NUDCD1: variants seen among roughly 807,000 people sequenced by gnomAD.
The protein encoded by NUDCD1 is nudC domain-containing protein 1.
A neutral mutation model predicts 67.8 loss-of-function variants in NUDCD1; 60 were observed. The ratio of observed to expected loss-of-function variants is 0.88; its 90% CI spans 0.72 to 1.10. The LOEUF (loss-of-function observed/expected upper bound fraction) is 1.10. NUDCD1 is among the 50% of genes least tolerant of loss of function. NUDCD1 has a pLI of 0.00. For missense variants in NUDCD1, 643 were observed against 695.0 expected (o/e 0.93, Z 0.84); for synonymous variants, 244 against 230.8 (o/e 1.06, Z -0.52).
chr8:109,281,504 A>G (rs1019018902), intron 5 of NUDCD1, among the ~76,000 whole-genome samples: 1 of 151,946 alleles, frequency 6.6e-6, no homozygotes, highest in Admixed American at 6.6e-5. Flanking sequence ...AAACACACAC[A>G]CACACAGAGT....
chr8:109,316,948 C>T (rs1815414351), intron 2 of NUDCD1, among the ~76,000 whole-genome samples: 1 of 152,046 alleles, frequency 6.6e-6, no homozygotes, highest in African/African-American at 2.4e-5. Flanking sequence ...CTTTAAGAAC[C>T]TAAAACATGG....
At chr8:109,280,819 A>G in intron 6 of NUDCD1, 149 bp downstream of exon 6, 1 of 455,352 alleles carries the variant, frequency 2.2e-6, no homozygotes, top group South Asian at 4.9e-5. Context: ...TCTTTGACAC[A>G]GTAATTCTAT....
At chr8:109,302,324 T>G (rs376275269) in intron 2 of NUDCD1, among the ~76,000 whole-genome samples, 32 of 152,278 alleles carry the variant, frequency 2.1e-4, no homozygotes, top group Admixed American at 5.2e-4. Context: ...CCAGGCATTC[T>G]TTTACACATC....
In NUDCD1 at chr8:109,245,321, C is replaced by A; in HGVS notation, c.1459+1G>T. The A allele has an allele frequency of 6.2e-7, 1 of 1,609,948 alleles. No homozygotes were observed. On this transcript the variant is annotated splice_donor_variant, in intron 9 of 9. Coordinates refer to ENST00000239690, the MANE Select transcript of NUDCD1 (RefSeq NM_032869.4). LOFTEE classifies it high-confidence loss of function. ...AAAATGTCAAAGAGTTTGCTTTATACCTAAAGCATTGAAAGTTGCGATGTG... is the reference window on the plus strand; with the variant it reads ...AAAATGTCAAAGAGTTTGCTTTATAACTAAAGCATTGAAAGTTGCGATGTG...
chr8:109,245,133 A>T (rs1171403688), intron 9 of NUDCD1, among the ~76,000 whole-genome samples, 189 bp downstream of exon 9: 1 of 152,226 alleles, frequency 6.6e-6, no homozygotes, highest in South Asian at 2.1e-4. Flanking sequence ...CAAGCATAAA[A>T]ACAGATTAGT....
intron 2 of NUDCD1, among the ~76,000 whole-genome samples, chr8:109,297,474 T>C (rs1046390934): frequency 7.9e-5 from 12 of 152,142 alleles, no homozygotes; most frequent in Non-Finnish European, 1.5e-4. Context: ...ACACTGGTGA[T>C]TGGGATTAAG....
intron 6 of NUDCD1, among the ~76,000 whole-genome samples, chr8:109,277,005 T>A (rs186452132): frequency 2.0e-5 from 3 of 152,204 alleles, no homozygotes; most frequent in Non-Finnish European, 2.9e-5. Flanking sequence ...GTAATCTTGA[T>A]AATAATGATG....
intron 8 of NUDCD1, among the ~76,000 whole-genome samples, chr8:109,270,093 T>TGGGGGGGG (rs1563665969): frequency 4.6e-4 from 3 of 6,544 alleles, no homozygotes; most frequent in Non-Finnish European, 6.4e-4. Flanking sequence ...TGCCTTAAGG[T>TGGGGGGGG]GGGGTGTGAA....
chr8:109,324,203 CAAA>C (rs969505000), intron 1 of NUDCD1, among the ~76,000 whole-genome samples: 1 of 119,240 alleles, frequency 8.4e-6, no homozygotes, highest in African/African-American at 3.0e-5. Flanking sequence ...GCTGTTGAAG[CAAA>C]AAAAAAAAAG....
intron 3 of NUDCD1, 25 bp from the exon 4 acceptor site, chr8:109,293,549 A>C (rs756477360): frequency 3.8e-6 from 5 of 1,332,198 alleles, no homozygotes; most frequent in Non-Finnish European, 4.1e-6. Context: ...TACACACACA[A>C]AAAAGTGTAC....
rs188755183 is a variant in NUDCD1, at chr8:109,242,940, A to G, written c.*69T>C. The G allele has an allele frequency of 8.1e-6, 8 of 989,236 alleles. No homozygotes were observed. The Admixed American group carries it at 8.3e-5, about 10-fold the overall frequency. The allele number at this position is 989,236 out of a possible 1,614,324, so 61.3% of individuals were successfully genotyped here. A position where few individuals can be genotyped will look rare whatever the true frequency, so the allele number is the denominator to read the frequency against. On this transcript the variant is annotated 3_prime_UTR_variant, in exon 10 of 10. Transcript: ENST00000239690. ...ACATTAAAACTTAAGAGGTTACAGT[A>G]TAACTGTCCAGACCTCCAGGTACCA...
rs143558049 is a variant in NUDCD1, at chr8:109,328,947, G to A, written c.118+4946C>T. 3.1e-3 allele frequency among the ~76,000 whole-genome samples: 465 copies of A among 152,224 alleles called. 1 individual carries two copies. The highest frequency in any genetic ancestry group is 4.3e-3 in the Non-Finnish European group (291 of 68,020). On this transcript the variant is annotated intron_variant, in intron 1 of 9. Coordinates refer to ENST00000239690, the MANE Select transcript of NUDCD1 (RefSeq NM_032869.4). ...TAGAAGCCAATATAAAACTGACATG[G>A]AAGCTACAATTCACAGAACAAGATG...
At chr8:109,279,659 C>T (rs774647772) in intron 6 of NUDCD1, among the ~76,000 whole-genome samples, 4 of 151,034 alleles carry the variant, frequency 2.6e-5, no homozygotes, top group Non-Finnish European at 4.4e-5. Context: ...TTTTTTGAGA[C>T]GTAGTTTCAC....
chr8:109,326,328 T>C (rs937232092), intron 1 of NUDCD1, among the ~76,000 whole-genome samples: 1 of 152,190 alleles, frequency 6.6e-6, no homozygotes, highest in Non-Finnish European at 1.5e-5. Flanking sequence ...CTCTCTGGCC[T>C]CAAATGAGAA....
At chr8:109,332,501 CT>C (rs1357457673) in intron 1 of NUDCD1, among the ~76,000 whole-genome samples, 29 of 152,192 alleles carry the variant, frequency 1.9e-4, no homozygotes. Context: ...CTTAAACAAG[CT>C]TATAGTCTGA....
chr8:109,281,437 C>T (rs1434564565), intron 5 of NUDCD1, among the ~76,000 whole-genome samples: 2 of 152,054 alleles, frequency 1.3e-5, no homozygotes, highest in Non-Finnish European at 2.9e-5. Flanking sequence ...CCTTTATCCT[C>T]ATTTCTTCCC....
chr8:109,318,485 T>C (rs767899064), intron 2 of NUDCD1, among the ~76,000 whole-genome samples: 3 of 152,198 alleles, frequency 2.0e-5, no homozygotes, highest in Admixed American at 2.0e-4. Context: ...GATCAGAGCA[T>C]AGCCACTCAT....
intron 1 of NUDCD1, among the ~76,000 whole-genome samples, chr8:109,332,995 A>C (rs1373564828): frequency 6.6e-6 from 1 of 152,170 alleles, no homozygotes; most frequent in Non-Finnish European, 1.5e-5. Context: ...TCTGTTTACA[A>C]TTTTCTTCCT....
At chr8:109,324,393 C>CAA (rs552947815) in intron 1 of NUDCD1, among the ~76,000 whole-genome samples, 4 of 119,260 alleles carry the variant, frequency 3.4e-5, no homozygotes, top group African/African-American at 9.1e-5. Context: ...CAAAAAAATA[C>CAA]AAAAAAAAAA....
Sources: gnomAD v4.1 joint callset for allele counts (sites outside exome capture counted in the v4.1 genomes callset) on GRCh38, gnomAD v4.1.1 for gene constraint, MANE v1.5 for transcripts, NCBI Gene and HGNC (gene_info 2026-07-23, HGNC 2026-07-21) for gene names.